NTM: variants seen among roughly 807,000 people sequenced by gnomAD.
The protein encoded by NTM is neurotrimin, also known as IgLON family member 2.
In NTM, 13 loss-of-function variants were observed where a neutral mutation model predicts 42.1. The observed-to-expected ratio is 0.31, with a 90% CI of 0.20 to 0.49. The LOEUF is 0.49. Among genes scored for constraint, NTM ranks in the 20% least tolerant of loss-of-function variants. NTM has a pLI of 0.99. For missense variants in NTM, 373 were observed against 452.8 expected, an observed-to-expected ratio of 0.82 and a Z score of 1.60; for synonymous variants, 187 against 179.2, an observed-to-expected ratio of 1.04 and a Z score of -0.35.
chr11:132,129,806 A>T (rs2066505766), intron 2 of NTM, among the ~76,000 whole-genome samples: 4 of 152,246 alleles, frequency 2.6e-5, no homozygotes. Context: ...AAATGGATAC[A>T]GCCTCAACAT....
At chr11:131,952,224 C>T (rs1489929417) in intron 2 of NTM, among the ~76,000 whole-genome samples, 1 of 152,166 alleles carries the variant, frequency 6.6e-6, no homozygotes, top group African/African-American at 2.4e-5. Context: ...TCTGAGCACC[C>T]TTCACCCTTA....
chr11:131,572,735 G>A (rs569459898), intron 1 of NTM, among the ~76,000 whole-genome samples: 11 of 152,328 alleles, frequency 7.2e-5, no homozygotes, highest in Admixed American at 5.2e-4. Context: ...CTATTAAGGT[G>A]TGGCGTGATT....
intron 1 of NTM, among the ~76,000 whole-genome samples, chr11:131,884,421 AAAAG>A (rs1481504303): frequency 6.6e-6 from 1 of 152,174 alleles, no homozygotes; most frequent in African/African-American, 2.4e-5. Context: ...AAAAGAAAAA[AAAAG>A]AAAGAAAAAA....
intron 2 of NTM, among the ~76,000 whole-genome samples, chr11:132,081,578 A>G (rs917715206): frequency 2.0e-5 from 3 of 152,040 alleles, no homozygotes; most frequent in African/African-American, 7.2e-5. Context: ...TAAAAATACA[A>G]AAAATTAGCC....
chr11:131,624,729 G>T (rs577358660), intron 1 of NTM, among the ~76,000 whole-genome samples: 5 of 152,168 alleles, frequency 3.3e-5, no homozygotes, highest in Admixed American at 1.3e-4. Context: ...CGCTAATCAC[G>T]GAGGAATCCA....
At chr11:132,124,958 A>G (rs2065430194) in intron 2 of NTM, among the ~76,000 whole-genome samples, 1 of 152,218 alleles carries the variant, frequency 6.6e-6, no homozygotes, top group Non-Finnish European at 1.5e-5. Context: ...TGATTGTGCC[A>G]CTGCACTTCA....
At chr11:131,996,673 G>C (rs1220295567) in intron 2 of NTM, among the ~76,000 whole-genome samples, 1 of 152,016 alleles carries the variant, frequency 6.6e-6, no homozygotes, top group Non-Finnish European at 1.5e-5. Flanking sequence ...ATTTACAGCT[G>C]GGTCTTGTCG....
intron 1 of NTM, among the ~76,000 whole-genome samples, chr11:131,403,175 A>G (rs77183962): frequency 0.01 from 1,577 of 152,190 alleles, 30 homozygotes; most frequent in African/African-American, 0.036. Flanking sequence ...AGACAGACTC[A>G]CCTCTTTGCT....
At chr11:131,761,728 G>T (rs1281260314) in intron 1 of NTM, among the ~76,000 whole-genome samples, 1 of 152,078 alleles carries the variant, frequency 6.6e-6, no homozygotes, top group Non-Finnish European at 1.5e-5. Flanking sequence ...GGAATCGCTT[G>T]AACCTGGCAG....
intron 2 of NTM, among the ~76,000 whole-genome samples, chr11:131,926,194 T>C (rs1361059194): frequency 2.0e-5 from 3 of 152,176 alleles, no homozygotes; most frequent in African/African-American, 7.2e-5. Context: ...TGTTGTTCAC[T>C]AGAGTCCCTG....
chr11:131,851,603 C>T (rs2045569933), intron 1 of NTM, among the ~76,000 whole-genome samples: 1 of 150,398 alleles, frequency 6.6e-6, no homozygotes. Context: ...GAAGCCTTGC[C>T]TTGTCTGCAA....
intron 1 of NTM, among the ~76,000 whole-genome samples, chr11:131,821,015 C>T (rs1216418525): frequency 7.0e-6 from 1 of 143,530 alleles, no homozygotes; most frequent in South Asian, 2.2e-4. Context: ...CACCAAGATG[C>T]CTCCAAAGGG....
At chr11:131,851,714 C>G (rs925382442) in intron 1 of NTM, among the ~76,000 whole-genome samples, 45 of 152,114 alleles carry the variant, frequency 3.0e-4, no homozygotes, top group African/African-American at 1.1e-3. Context: ...TTCTGTCATT[C>G]TGTCCTACCA....
Position 131,482,953 on chromosome 11 carries a change from C to T in NTM, c.82+112065C>T, listed in dbSNP as rs190227009. Among the ~76,000 whole-genome samples, 14 of 152,274 alleles carry T rather than the reference C, an allele frequency of 9.2e-5. No individual in the cohort carries two copies. The East Asian group carries it at 1.5e-3, about 17-fold the overall frequency. Reference sequence around the variant, plus strand: ...TGTTGTATGTGAGAGAAGAAGCACACGCAGAGGAAAGTTAATTTTAAGAAG... The same window carrying T: ...TGTTGTATGTGAGAGAAGAAGCACATGCAGAGGAAAGTTAATTTTAAGAAG... On this transcript the variant is annotated intron_variant, in intron 1 of 8. Coordinates refer to ENST00000683400, the MANE Select transcript of NTM (RefSeq NM_001352005.2).
chr11:132,234,004 C>T (rs561795256), intron 4 of NTM, among the ~76,000 whole-genome samples: 14 of 152,186 alleles, frequency 9.2e-5, no homozygotes, highest in Non-Finnish European at 1.8e-4. Flanking sequence ...TTATTTTCAA[C>T]CTCAGCTACA....
chr11:132,209,642 G>A (rs944107747), intron 3 of NTM, among the ~76,000 whole-genome samples: 14 of 152,208 alleles, frequency 9.2e-5, no homozygotes, highest in Admixed American at 2.0e-4. Flanking sequence ...TTTAAATGCC[G>A]TATAGGAGAC....
At position 131,893,372 on chromosome 11, in the gene NTM, G is replaced by A. The variant is rs1176250568; in HGVS notation, c.83-18192G>A. ...GAAAATGATTCGGAGTTGCTTTGTT[G>A]GCAGGTTAGCTAATGAGGGGGTGTT... On this transcript the variant is annotated intron_variant, in intron 1 of 8. Transcript: ENST00000683400. Among the ~76,000 whole-genome samples, 15 of 152,190 alleles carry A rather than the reference G, an allele frequency of 9.9e-5. 1 individual carries two copies. The highest frequency in any genetic ancestry group is 9.8e-4 in the Admixed American group (15 of 15,278).
At chr11:131,559,326 TACG>T (rs2055894264) in intron 1 of NTM, among the ~76,000 whole-genome samples, 2 of 152,256 alleles carry the variant, frequency 1.3e-5, no homozygotes, top group South Asian at 4.1e-4. Flanking sequence ...AAAACTTATC[TACG>T]ACTGCTGGTA....
intron 1 of NTM, among the ~76,000 whole-genome samples, chr11:131,824,198 G>A (rs1286729726): frequency 6.6e-6 from 1 of 152,162 alleles, no homozygotes; most frequent in African/African-American, 2.4e-5. Flanking sequence ...TACTTACAAG[G>A]AACAGCAAAT....
Sources: allele counts gnomAD v4.1 joint callset (sites outside exome capture counted in the v4.1 genomes callset), GRCh38; gene constraint gnomAD v4.1.1; transcripts MANE v1.5; gene names NCBI Gene and HGNC (gene_info 2026-07-23, HGNC 2026-07-21).